Variants in ITPR2 observed in about 807,000 individuals in gnomAD.
The protein encoded by ITPR2 is inositol 1,4,5-trisphosphate-gated calcium channel ITPR2.
ITPR2 carries 207 observed loss-of-function variants against 317.1 expected under a neutral mutation model. That is an observed-to-expected ratio of 0.65 (90% CI 0.58 to 0.73). The LOEUF is 0.73. Among genes scored for constraint, ITPR2 ranks in the 30% least tolerant of loss-of-function variants. ITPR2 has a pLI of 0.00. For synonymous variants in ITPR2, 1,156 were observed against 1,149.1 expected (o/e 1.01, Z -0.12); for missense variants, 2,613 against 3,284.0 (o/e 0.80, Z 4.99).
At chr12:26,769,320 T>C (rs899214778) in intron 2 of ITPR2, among the ~76,000 whole-genome samples, 3 of 152,184 alleles carry the variant, frequency 2.0e-5, no homozygotes, top group Admixed American at 6.5e-5. Context: ...CCAGCAATGT[T>C]TGCTTTATTC....
At chr12:26,799,805 T>G (rs1175301412) in intron 1 of ITPR2, among the ~76,000 whole-genome samples, 1 of 152,246 alleles carries the variant, frequency 6.6e-6, no homozygotes, top group East Asian at 1.9e-4. Flanking sequence ...TCAAAGCATC[T>G]GCAAAGTACT....
At chr12:26,388,620 AT>A (rs1939737469) in intron 54 of ITPR2, among the ~76,000 whole-genome samples, 1 of 151,792 alleles carries the variant, frequency 6.6e-6, no homozygotes, top group Non-Finnish European at 1.5e-5. Context: ...TGCCCGGCTA[AT>A]TTTTGTATCT....
At chr12:26,559,814 A>T (rs778419744) in intron 35 of ITPR2, among the ~76,000 whole-genome samples, 2 of 152,136 alleles carry the variant, frequency 1.3e-5, no homozygotes, top group Non-Finnish European at 2.9e-5. Flanking sequence ...TCTGAACCTA[A>T]ATCTTGGAAT....
At chr12:26,506,520 CAAAAAA>C (rs11362827) in intron 37 of ITPR2, among the ~76,000 whole-genome samples, 1 of 87,492 alleles carries the variant, frequency 1.1e-5, no homozygotes, top group Admixed American at 1.3e-4. Context: ...AATCCTGTCT[CAAAAAA>C]AAAAAAAAAA....
chr12:26,360,253 C>CT (rs1174199089), intron 55 of ITPR2, among the ~76,000 whole-genome samples: 4 of 152,220 alleles, frequency 2.6e-5, no homozygotes, highest in African/African-American at 9.6e-5. Context: ...ACCACGAATC[C>CT]TCTCTCGCTT....
intron 55 of ITPR2, among the ~76,000 whole-genome samples, chr12:26,341,433 T>C (rs1042920682): frequency 2.6e-5 from 4 of 152,162 alleles, no homozygotes; most frequent in Admixed American, 1.3e-4. Context: ...CTTCCCTAAG[T>C]GACAGTGGCA....
chr12:26,706,210 TTA>T (rs1167100050), intron 9 of ITPR2, among the ~76,000 whole-genome samples: 1 of 152,214 alleles, frequency 6.6e-6, no homozygotes, highest in African/African-American at 2.4e-5. Context: ...CTTTTTAATT[TTA>T]TTTTGATAAT....
chr12:26,352,988 C>T (rs1163928971), intron 55 of ITPR2, among the ~76,000 whole-genome samples: 1 of 152,212 alleles, frequency 6.6e-6, no homozygotes, highest in Non-Finnish European at 1.5e-5. Context: ...GGTTGTTAAA[C>T]ACCAACTAGC....
intron 5 of ITPR2, among the ~76,000 whole-genome samples, chr12:26,719,866 A>G (rs1379945936): frequency 1.3e-5 from 2 of 152,166 alleles, no homozygotes; most frequent in Non-Finnish European, 2.9e-5. Context: ...TCTTCATTTA[A>G]AGAATATCTG....
At chr12:26,436,092 T>C (rs1186013823) in intron 48 of ITPR2, 129 bp downstream of exon 48, 8 of 882,070 alleles carry the variant, frequency 9.1e-6, no homozygotes, top group Non-Finnish European at 1.1e-5. Context: ...CTATTTACTA[T>C]CATACTCTAC....
intron 40 of ITPR2, among the ~76,000 whole-genome samples, chr12:26,486,600 C>CAT (rs1942674920): frequency 6.6e-6 from 1 of 152,002 alleles, no homozygotes; most frequent in African/African-American, 2.4e-5. Flanking sequence ...CTGATATATA[C>CAT]ATATATATAT....
intron 55 of ITPR2, among the ~76,000 whole-genome samples, chr12:26,360,287 G>T (rs567789266): frequency 6.6e-6 from 1 of 152,050 alleles, no homozygotes; most frequent in East Asian, 1.9e-4. Flanking sequence ...TTCTCTTACC[G>T]GGGGGCTCAG....
At chr12:26,678,654 C>T (rs1947965548) in intron 13 of ITPR2, among the ~76,000 whole-genome samples, 1 of 152,164 alleles carries the variant, frequency 6.6e-6, no homozygotes, top group Non-Finnish European at 1.5e-5. Flanking sequence ...TCTGAAATTA[C>T]TAAATTAAGA....
At chr12:26,630,382 AGAGAGAGAAT>A (rs1946720088) in intron 22 of ITPR2, among the ~76,000 whole-genome samples, 1 of 151,430 alleles carries the variant, frequency 6.6e-6, no homozygotes, top group African/African-American at 2.4e-5. Flanking sequence ...CCAGGAAGAG[AGAGAGAGAAT>A]GAGAGAGAAA....
rs1951106756 is a variant in ITPR2 at position 26,831,721 on chromosome 12, CTACATAAAATAT to C, written c.92+957_92+968del. On this transcript the variant is annotated intron_variant, in intron 1 of 56. Transcript: ENST00000381340. The surrounding 1 kb of genome is among the most constrained non-coding windows in gnomAD (Gnocchi z 4.9). ...TACATAAAATATATAAATATATATT[CTACATAAAATAT>C]ATAAATATATATTCTACATAAAATA... 8.7e-6 allele frequency among the ~76,000 whole-genome samples: 1 copy of C among 114,634 alleles called. No individual in the cohort carries two copies. The highest frequency in any genetic ancestry group is 2.8e-5 in the African/African-American group (1 of 35,520). The allele number at this position is 114,634 out of a possible 152,430, so 75.2% of individuals were successfully genotyped here.
At chr12:26,691,850 G>C (rs1432145070) in intron 10 of ITPR2, among the ~76,000 whole-genome samples, 1 of 152,122 alleles carries the variant, frequency 6.6e-6, no homozygotes, top group East Asian at 1.9e-4. Flanking sequence ...CGATGTGCAT[G>C]CACGTGTGTT....
rs545280358 is a variant in ITPR2, at chr12:26,814,036, T to C, written c.92+18654A>G. ...ACTCGTGATGACGTCACCTTTGCCA[T>C]CAGAGCAGCTGGACCATCATCGAGC... is the stretch of plus-strand genomic sequence containing the variant. On this transcript the variant is annotated intron_variant, in intron 1 of 56. Coordinates refer to ENST00000381340, the MANE Select transcript of ITPR2 (RefSeq NM_002223.4). 6.6e-5 allele frequency among the ~76,000 whole-genome samples: 10 copies of C among 152,290 alleles called. No individual in the cohort carries two copies. In the East Asian group the frequency reaches 1.7e-3, roughly 26 times the overall value.
intron 45 of ITPR2, among the ~76,000 whole-genome samples, chr12:26,449,763 G>T (rs1941695972): frequency 6.6e-6 from 1 of 152,096 alleles, no homozygotes; most frequent in Non-Finnish European, 1.5e-5. Flanking sequence ...ATGAGAAGAG[G>T]ACTAGAAGGT....
chr12:26,691,634 T>C lies in ITPR2; in HGVS notation c.996+3972A>G, dbSNP rs530307127. Among the ~76,000 whole-genome samples, 393 of 152,238 alleles carry C rather than the reference T, an allele frequency of 2.6e-3. 1 individual carries two copies. The highest frequency in any genetic ancestry group is 9.2e-3 in the African/African-American group (381 of 41,550). On this transcript the variant is annotated intron_variant, in intron 10 of 56. Transcript: ENST00000381340. ...AGTCAACTCAACTAATGGCTCTCCT[T>C]GCTTCTCCTGCCGTCCTGGGGCCTG...
Sources: allele counts gnomAD v4.1 joint callset (sites outside exome capture counted in the v4.1 genomes callset), GRCh38; gene constraint gnomAD v4.1.1; non-coding constraint Gnocchi (gnomAD v3.1); transcripts MANE v1.5; gene names NCBI Gene and HGNC (gene_info 2026-07-23, HGNC 2026-07-21).